Variants in AMOTL2 observed in about 807,000 individuals in gnomAD.
AMOTL2 encodes angiomotin like 2.
AMOTL2 carries 33 observed loss-of-function variants against 78.4 expected under a neutral mutation model. The observed-to-expected ratio is 0.42, with a 90% CI of 0.32 to 0.56. AMOTL2 has a LOEUF of 0.56. Ranked by LOEUF, AMOTL2 falls within the 20% of genes least tolerant of loss-of-function variation. The probability of loss-of-function intolerance (pLI) is 0.12; values close to 1 mark genes in which losing one functional copy is unlikely to be tolerated. For missense variants in AMOTL2, 983 were observed against 1,030.1 expected, an observed-to-expected ratio of 0.95 and a Z score of 0.63; for synonymous variants, 422 against 428.8, an observed-to-expected ratio of 0.98 and a Z score of 0.20.
chr3:134,361,716 C>G lies in AMOTL2; in HGVS notation c.1371G>C (p.Leu457=), dbSNP rs1178074487. The part of the protein sequence containing the change: ...AIEDQRRRAE[L]LEQALGNAQG... Reference sequence around the variant, plus strand: ...GCGCATTGCCCAGAGCCTGCTCCAGCAGCTCGGCACGCCGCCGCTGGTCCT... The same window carrying G: ...GCGCATTGCCCAGAGCCTGCTCCAGGAGCTCGGCACGCCGCCGCTGGTCCT... Residue 457 remains leucine, a synonymous_variant, in exon 6 of 10, where the codon CTG becomes CTC. Coordinates refer to ENST00000249883, the MANE Select transcript of AMOTL2 (RefSeq NM_016201.4). 1.2e-6 allele frequency: 2 copies of G among 1,608,984 alleles called. No individual in the cohort carries two copies. The highest frequency in any genetic ancestry group is 1.7e-6 in the Non-Finnish European group (2 of 1,178,172).
At chr3:134,375,068 C>T, upstream of AMOTL2, 1 of 1,465,300 alleles carries the variant, frequency 6.8e-7, no homozygotes, top group Non-Finnish European at 9.0e-7. Flanking sequence ...CTGTTTTCAC[C>T]CCCAGCGGCA....
At chr3:134,365,556 A>C (rs1158113392) in intron 5 of AMOTL2, among the ~76,000 whole-genome samples, 1 of 152,256 alleles carries the variant, frequency 6.6e-6, no homozygotes, top group Non-Finnish European at 1.5e-5. Context: ...ACCGAAGCTC[A>C]GCAAATCACT....
At chr3:134,363,435 T>A (rs1434047908) in intron 5 of AMOTL2, among the ~76,000 whole-genome samples, 1 of 152,248 alleles carries the variant, frequency 6.6e-6, no homozygotes, top group African/African-American at 2.4e-5. Flanking sequence ...GACCCTCCCC[T>A]AGTCCACCTG....
intron 5 of AMOTL2, among the ~76,000 whole-genome samples, chr3:134,362,638 T>TA (rs1364615320): frequency 6.6e-6 from 1 of 152,154 alleles, no homozygotes; most frequent in Non-Finnish European, 1.5e-5. Context: ...GCCCAAAGAT[T>TA]AGTGTGTAAG....
At chr3:134,366,219 A>T in intron 4 of AMOTL2, 64 bp downstream of exon 4, 1 of 1,554,396 alleles carries the variant, frequency 6.4e-7, no homozygotes, top group South Asian at 1.2e-5. Flanking sequence ...ATTTTTCTCT[A>T]GAACAAAAGA....
At chr3:134,372,651 G>A (rs551212443) in intron 1 of AMOTL2, among the ~76,000 whole-genome samples, 40 of 152,130 alleles carry the variant, frequency 2.6e-4, no homozygotes, top group African/African-American at 8.9e-4. Flanking sequence ...CAGTGTCAAG[G>A]AAGCCCATCT....
rs543579880 is a variant in AMOTL2 at position 134,361,726 on chromosome 3, C to G, written c.1361G>C (p.Arg454Pro). 1.9e-6 allele frequency: 3 copies of G among 1,607,892 alleles called. No homozygotes were observed. The highest frequency in any genetic ancestry group is 1.1e-5 in the South Asian group (1 of 90,774). ...CAGAGCCTGCTCCAGCAGCTCGGCA[C>G]GCCGCCGCTGGTCCTCGATGGCGCC... ...LRGAIEDQRR[R>P]AELLEQALGN... Residue 454 changes from arginine (R) to proline (P), a missense_variant, in exon 6 of 10, where the codon CGT becomes CCT. Arg to Pro is a moderately radical substitution (Grantham distance 103). Transcript: ENST00000249883.
upstream of AMOTL2, chr3:134,374,465 C>G (rs2018012957): frequency 1.0e-6 from 1 of 985,578 alleles, no homozygotes; most frequent in Non-Finnish European, 1.2e-6. Flanking sequence ...CGCGCCCCAG[C>G]GCGCAGCCCC....
Position 134,369,541 on chromosome 3 carries a change from G to A in AMOTL2, c.734+1159C>T, listed in dbSNP as rs74725592. On this transcript the variant is annotated intron_variant, in intron 2 of 9. Coordinates refer to ENST00000249883, the MANE Select transcript of AMOTL2 (RefSeq NM_016201.4). Reference sequence around the variant, plus strand: ...GAAACTCTTCCTGACCGAGCCCTGAGAGGGGCGATAAAGTGCGAGTCTGGA... The same window carrying A: ...GAAACTCTTCCTGACCGAGCCCTGAAAGGGGCGATAAAGTGCGAGTCTGGA... Among the ~76,000 whole-genome samples, 201 of 152,368 alleles carry A rather than the reference G, an allele frequency of 1.3e-3. 1 individual carries two copies. Among genetic ancestry groups the A allele is most frequent in the Non-Finnish European group, 2.2e-3 (149 of 68,044 alleles).
At position 134,371,465 on chromosome 3, in the gene AMOTL2, A is replaced by C. The variant is rs1472180865; in HGVS notation, c.-32T>G. On this transcript the variant is annotated 5_prime_UTR_variant, in exon 2 of 10. In the 5' UTR this introduces an upstream ATG that the reference lacks. Transcript: ENST00000249883. Reference sequence around the variant, plus strand: ...TTGGCTTGCACACAGCTGCCTGGACAATGGCCGGTGGCACCTGGCCCCAGA... The same window carrying C: ...TTGGCTTGCACACAGCTGCCTGGACCATGGCCGGTGGCACCTGGCCCCAGA... 2 of 1,592,574 alleles carry C rather than the reference A, an allele frequency of 1.3e-6. No individual in the cohort carries two copies. Among genetic ancestry groups the C allele is most frequent in the Admixed American group, 1.7e-5 (1 of 59,906 alleles).
intron 1 of AMOTL2, chr3:134,371,812 C>T: frequency 3.2e-6 from 1 of 314,510 alleles, no homozygotes; most frequent in Admixed American, 4.5e-5. Context: ...TAAACGATTA[C>T]TAATGATAAC....
chr3:134,374,667 G>T, upstream of AMOTL2: 1 of 982,914 alleles, frequency 1.0e-6, no homozygotes, highest in South Asian at 4.7e-5. Flanking sequence ...GCGCCGGCCC[G>T]GCCCCCGAGC....
intron 2 of AMOTL2, among the ~76,000 whole-genome samples, chr3:134,368,843 G>A (rs1365432497): frequency 6.6e-6 from 1 of 152,102 alleles, no homozygotes; most frequent in Non-Finnish European, 1.5e-5. Flanking sequence ...TCACCCCCAG[G>A]GCTCCATGTT....
At chr3:134,366,947 G>GAGCTGCCTCTGCCTGGTGTCCCAGGCAT (rs2017633303) in intron 3 of AMOTL2, 1 of 155,548 alleles carries the variant, frequency 6.4e-6, no homozygotes, top group East Asian at 1.9e-4. Context: ...GCACCAGGCA[G>GAGCTGCCTCTGCCTGGTGTCCCAGGCAT]AGCTGCCTCT....
At chr3:134,372,564 C>CACACACACACACAAACAA (rs2017917357) in intron 1 of AMOTL2, among the ~76,000 whole-genome samples, 1 of 150,634 alleles carries the variant, frequency 6.6e-6, no homozygotes, top group Non-Finnish European at 1.5e-5. Flanking sequence ...CACAAACACA[C>CACACACACACACAAACAA]ACACACGCTA....
rs77831491 is a variant in AMOTL2, at chr3:134,365,994, T to C, written c.1187-85A>G. The C allele has an allele frequency of 1.8e-3, 2,466 of 1,382,002 alleles. 35 individuals are homozygous for C. The African/African-American group carries it at 0.03, about 17-fold the overall frequency. 85.6% of individuals were successfully genotyped at this position (1,382,002 alleles called of 1,614,324 possible). ...TCCTGACGTCCTATCAGGATGGGGC[T>C]GTATCCTCCATATTGGGGATGGGTT... On this transcript the variant is annotated intron_variant, in intron 4 of 9. Transcript: ENST00000249883.
In AMOTL2 at chr3:134,366,527, AG is replaced by A. The variant is rs914400810; in HGVS notation, c.1042-101del. ...TCCATCAGAAAAGGTGACAGATGAG[AG>A]GCCACCAAACAGGAGCAAAACCTCC... is the stretch of plus-strand genomic sequence containing the variant. On this transcript the variant is annotated intron_variant, in intron 3 of 9. Transcript: ENST00000249883. 23 of 1,339,594 alleles carry A rather than the reference AG, an allele frequency of 1.7e-5. No individual in the cohort carries two copies. The African/African-American group carries it at 2.5e-4, about 15-fold the overall frequency. 83.0% of individuals were successfully genotyped at this position (1,339,594 alleles called of 1,614,324 possible).
At chr3:134,369,831 T>C (rs2017774925) in intron 2 of AMOTL2, among the ~76,000 whole-genome samples, 2 of 152,226 alleles carry the variant, frequency 1.3e-5, no homozygotes, top group Non-Finnish European at 2.9e-5. Context: ...TCTGCTTCTC[T>C]GGAAAAGATG....
intron 5 of AMOTL2, among the ~76,000 whole-genome samples, chr3:134,363,304 A>G (rs2017454178): frequency 1.0e-5 from 1 of 96,002 alleles, no homozygotes; most frequent in African/African-American, 3.0e-5. Flanking sequence ...ATGGAGGAAA[A>G]TACGAGGAAG....
Sources: gnomAD v4.1 joint callset for allele counts (sites outside exome capture counted in the v4.1 genomes callset) on GRCh38, gnomAD v4.1.1 for gene constraint, MANE v1.5 for transcripts, NCBI Gene and HGNC (gene_info 2026-07-23, HGNC 2026-07-21) for gene names.